MIGA1: variants seen among roughly 807,000 people sequenced by gnomAD.
The protein encoded by MIGA1 is mitoguardin 1, also known as family with sequence similarity 73, member A.
A neutral mutation model predicts 82.0 loss-of-function variants in MIGA1; 58 were observed. The ratio of observed to expected loss-of-function variants is 0.71; its 90% CI spans 0.57 to 0.88. The LOEUF is 0.88. MIGA1 is among the 40% of genes least tolerant of loss of function. The pLI, the probability that MIGA1 is intolerant of heterozygous loss-of-function variation, is 0.00. For missense variants in MIGA1, 751 were observed against 749.1 expected (o/e 1.00, Z -0.03); for synonymous variants, 249 against 253.6 (o/e 0.98, Z 0.17).
chr1:77,811,819 A>T (rs1370716138), intron 5 of MIGA1: 1 of 801,704 alleles, frequency 1.2e-6, no homozygotes, highest in Non-Finnish European at 1.8e-6. Flanking sequence ...CCCCTACCCC[A>T]GCAAGGCCGG....
chr1:77,851,980 G>T (rs1685072981), intron 8 of MIGA1, among the ~76,000 whole-genome samples: 1 of 151,284 alleles, frequency 6.6e-6, no homozygotes, highest in African/African-American at 2.4e-5. Context: ...TACCTCCCAG[G>T]TTCAAGCAAT....
intron 5 of MIGA1, among the ~76,000 whole-genome samples, chr1:77,808,132 T>C (rs58073982): frequency 0.14 from 18,324 of 129,180 alleles, 1,226 homozygotes; most frequent in East Asian, 0.34. Context: ...CTTTCTCTCT[T>C]TTTTTTTTTT....
intron 14 of MIGA1, 142 bp downstream of exon 14, chr1:77,866,533 A>T (rs754880006): frequency 5.5e-6 from 4 of 726,058 alleles, no homozygotes; most frequent in Middle Eastern, 2.5e-4. Context: ...TGAGTGACTT[A>T]CTGGTAGTGG....
chr1:77,825,602 C>T (rs182757852), intron 7 of MIGA1, among the ~76,000 whole-genome samples: 6 of 152,178 alleles, frequency 3.9e-5, no homozygotes, highest in Admixed American at 3.3e-4. Flanking sequence ...TGAGAAAGAA[C>T]GTGGAAGTTA....
At chr1:77,861,392 T>A (rs902970177) in intron 12 of MIGA1, 70 bp downstream of exon 12, 11 of 962,452 alleles carry the variant, frequency 1.1e-5, no homozygotes, top group Non-Finnish European at 1.3e-5. Context: ...GAGTTGAGAC[T>A]ACTGTTTCAT....
intron 15 of MIGA1, 97 bp from the exon 16 acceptor site, chr1:77,874,749 T>C (rs890334026): frequency 2.5e-6 from 2 of 806,620 alleles, no homozygotes; most frequent in Admixed American, 4.9e-5. Flanking sequence ...AAGTCAGGTC[T>C]TCTGAGTCCT....
At chr1:77,785,929 T>C (rs1036589511) in intron 2 of MIGA1, among the ~76,000 whole-genome samples, 11 of 152,330 alleles carry the variant, frequency 7.2e-5, no homozygotes, top group African/African-American at 2.6e-4. Context: ...AGGGACTCTG[T>C]GTGGGGCCTC....
In MIGA1 at chr1:77,813,856, G is replaced by C; in HGVS notation, c.760G>C (p.Glu254Gln). 6.2e-7 allele frequency: 1 copy of C among 1,614,126 alleles called. No homozygotes were observed. Among genetic ancestry groups the C allele is most frequent in the Non-Finnish European group, 8.5e-7 (1 of 1,180,010 alleles). ...GGGTGCAGGAGATGCCATTGCTGAA[G>C]AAAATGTAGATGTAAGGGTGATTGA... The change falls in exon 6 of 16, where the codon GAA (glutamate) becomes CAA (glutamine). Residue 254 changes from glutamate (E) to glutamine (Q), a missense_variant. Coordinates refer to ENST00000370791, the MANE Select transcript of MIGA1 (RefSeq NM_198549.4).
chr1:77,820,692 C>T (rs1005587657), intron 7 of MIGA1, among the ~76,000 whole-genome samples: 4 of 152,074 alleles, frequency 2.6e-5, no homozygotes, highest in African/African-American at 7.2e-5. Flanking sequence ...ATTTCTGGTC[C>T]ACTGATATCC....
intron 2 of MIGA1, among the ~76,000 whole-genome samples, chr1:77,790,831 AC>A (rs1682385713): frequency 7.7e-6 from 1 of 129,620 alleles, no homozygotes; most frequent in Non-Finnish European, 1.7e-5. Context: ...CAAGTTATCC[AC>A]CCGCCTCAGC....
At chr1:77,826,716 CCTT>C (rs1684039795) in intron 7 of MIGA1, among the ~76,000 whole-genome samples, 1 of 152,100 alleles carries the variant, frequency 6.6e-6, no homozygotes, top group Non-Finnish European at 1.5e-5. Flanking sequence ...CTCAGGCAGT[CCTT>C]CTTCCTTGGC....
At position 77,876,343 on chromosome 1, in the gene MIGA1, T is replaced by C. The variant is rs1040479047; in HGVS notation, c.*1279T>C. The C allele has an allele frequency of 4.6e-5, 7 of 152,206 alleles. No individual in the cohort carries two copies. Among genetic ancestry groups the C allele is most frequent in the Non-Finnish European group, 1.0e-4 (7 of 68,038 alleles). 9.4% of individuals were successfully genotyped at this position (152,206 alleles called of 1,614,324 possible). On this transcript the variant is annotated 3_prime_UTR_variant, in exon 16 of 16. Transcript: ENST00000370791. ...AAATAAAACAAATACAGCATTTAAA[T>C]GAATTGACATTGAGAAATTTACAAT...
At chr1:77,808,865 G>A (rs533104856) in intron 5 of MIGA1, among the ~76,000 whole-genome samples, 2 of 152,248 alleles carry the variant, frequency 1.3e-5, no homozygotes, top group South Asian at 4.1e-4. Flanking sequence ...ATTCCTATGG[G>A]GAAAGAAGGT....
intron 7 of MIGA1, among the ~76,000 whole-genome samples, chr1:77,831,213 C>G (rs1017597675): frequency 2.6e-5 from 4 of 152,138 alleles, no homozygotes; most frequent in African/African-American, 9.7e-5. Context: ...CTGTTTTTTG[C>G]TGCAGTATCT....
At chr1:77,802,599 C>T (rs978993534) in intron 3 of MIGA1, among the ~76,000 whole-genome samples, 1 of 151,898 alleles carries the variant, frequency 6.6e-6, no homozygotes, top group African/African-American at 2.4e-5. Context: ...ATAGTGGGAC[C>T]ACATCTTTAC....
chr1:77,839,631 C>T (rs527477722), intron 7 of MIGA1, among the ~76,000 whole-genome samples: 5 of 152,268 alleles, frequency 3.3e-5, no homozygotes, highest in Non-Finnish European at 2.9e-5. Context: ...CCTCAGCCTC[C>T]CAAAGTGTTG....
At chr1:77,833,837 A>G (rs1197801318) in intron 7 of MIGA1, among the ~76,000 whole-genome samples, 2 of 152,184 alleles carry the variant, frequency 1.3e-5, no homozygotes, top group Non-Finnish European at 1.5e-5. Context: ...TTCTTTAAAC[A>G]AAAGGGGGGA....
At chr1:77,832,395 A>G (rs1684274730) in intron 7 of MIGA1, among the ~76,000 whole-genome samples, 1 of 152,254 alleles carries the variant, frequency 6.6e-6, no homozygotes, top group Non-Finnish European at 1.5e-5. Flanking sequence ...CTCTGCCTTT[A>G]GGCAATGCAG....
At chr1:77,822,097 T>C (rs1283707884) in intron 7 of MIGA1, among the ~76,000 whole-genome samples, 1 of 152,100 alleles carries the variant, frequency 6.6e-6, no homozygotes, top group Non-Finnish European at 1.5e-5. Flanking sequence ...ATTAATTAGC[T>C]TGATTTTGGT....
Sources: gnomAD v4.1 joint callset for allele counts (sites outside exome capture counted in the v4.1 genomes callset) on GRCh38, gnomAD v4.1.1 for gene constraint, MANE v1.5 for transcripts, NCBI Gene and HGNC (gene_info 2026-07-23, HGNC 2026-07-21) for gene names.